Variants in KLF17 observed in about 807,000 individuals in gnomAD.
The protein encoded by KLF17 is KLF transcription factor 17.
KLF17 carries 31 observed loss-of-function variants against 34.2 expected under a neutral mutation model. The ratio of observed to expected loss-of-function variants is 0.91; its 90% CI spans 0.68 to 1.22. The LOEUF is 1.22. Ranked by LOEUF, KLF17 falls within the 50% of genes most tolerant of loss-of-function variation. The pLI, the probability that KLF17 is intolerant of heterozygous loss-of-function variation, is 0.00. For synonymous variants in KLF17, 179 were observed against 186.7 expected (o/e 0.96, Z 0.34); for missense variants, 478 against 505.2 (o/e 0.95, Z 0.52).
chr1:44,058,381 C>T, the KLF17 span, among the ~76,000 whole-genome samples: 1 of 152,052 alleles, frequency 6.6e-6, no homozygotes, highest in Non-Finnish European at 1.5e-5. Context: ...ACCTCCACCT[C>T]CCAGGTTCAA....
At chr1:44,115,911 T>C (rs1375701747), upstream of KLF17, 3 of 152,254 alleles carry the variant, frequency 2.0e-5, no homozygotes, top group Non-Finnish European at 4.4e-5. Flanking sequence ...TGAGTATGCA[T>C]ACAAATTTTG....
At position 44,133,563 on chromosome 1, in the gene KLF17, T is replaced by G. The variant is rs1294505083; in HGVS notation, c.*326T>G. ...GGCATGGACAGTAAGGATTCAGAAGTGCATGAAGGCACCCTGCCTCTGCAG... is the reference window on the plus strand; with the variant it reads ...GGCATGGACAGTAAGGATTCAGAAGGGCATGAAGGCACCCTGCCTCTGCAG... On this transcript the variant is annotated 3_prime_UTR_variant, in exon 4 of 4. Transcript: ENST00000372299. The G allele has an allele frequency of 6.6e-6, 1 of 152,244 alleles. No individual in the cohort carries two copies. Among genetic ancestry groups the G allele is most frequent in the East Asian group, 1.9e-4 (1 of 5,190 alleles). The allele number at this position is 152,244 out of a possible 1,614,324, so 9.4% of individuals were successfully genotyped here.
chr1:44,088,873 A>G, the KLF17 span, among the ~76,000 whole-genome samples: 1 of 152,140 alleles, frequency 6.6e-6, no homozygotes, highest in Non-Finnish European at 1.5e-5. Context: ...TGAAATTGGG[A>G]GCAAAGAAGG....
chr1:44,058,568 C>G, the KLF17 span, among the ~76,000 whole-genome samples: 4 of 149,606 alleles, frequency 2.7e-5, no homozygotes, highest in South Asian at 2.2e-4. Context: ...GGATTACAGG[C>G]GTGAGCCACC....
the KLF17 span, chr1:44,088,107 T>TTTATTTATTTATTTATTTATTTATTTA: frequency 4.9e-5 from 9 of 182,634 alleles, no homozygotes; most frequent in African/African-American, 1.7e-4. Context: ...GCACTCTTAT[T>TTTATTTATTTATTTATTTATTTATTTA]TTTATTTATT....
the KLF17 span, among the ~76,000 whole-genome samples, chr1:44,100,079 TACACACACAC>T: frequency 0.16 from 22,103 of 138,570 alleles, 2,043 homozygotes; most frequent in Admixed American, 0.2. Context: ...CTACTAAAAA[TACACACACAC>T]ACACACACAC....
chr1:44,073,511 C>G, the KLF17 span, among the ~76,000 whole-genome samples: 12,439 of 151,988 alleles, frequency 0.082, 510 homozygotes, highest in African/African-American at 0.1. Context: ...TGGCCCATGA[C>G]AGTATTTTTT....
chr1:44,078,326 C>T, the KLF17 span, among the ~76,000 whole-genome samples: 1 of 152,124 alleles, frequency 6.6e-6, no homozygotes, highest in Non-Finnish European at 1.5e-5. Flanking sequence ...ACCTTGTAAA[C>T]ATTTCTGCTT....
the KLF17 span, among the ~76,000 whole-genome samples, chr1:44,061,638 C>A: frequency 1.4e-4 from 22 of 152,156 alleles, no homozygotes; most frequent in African/African-American, 5.3e-4. Context: ...TGGGTATAGG[C>A]TGGGCACAGT....
In KLF17 at chr1:44,129,896, G is replaced by A. The variant is rs775671290; in HGVS notation, c.625G>A (p.Ala209Thr). The stretch of plus-strand genomic sequence containing the variant: ...GGCCCAGGCAGTGCTCCCCTCCATG[G>A]CTCAGATGTTGCCCCCGCAAGATGC... ...TEAQAVLPSM[A>T]QMLPPQDAHD... The change falls in exon 2 of 4, where the codon GCT becomes ACT. Residue 209 changes from alanine (A) to threonine (T), a missense_variant. By Grantham distance (58) the Ala-to-Thr change is moderately conservative (BLOSUM62 0). Transcript: ENST00000372299. The A allele has an allele frequency of 1.9e-6, 3 of 1,614,150 alleles. No homozygotes were observed. In the South Asian group the frequency reaches 3.3e-5, roughly 18 times the overall value.
chr1:44,089,546 T>A, the KLF17 span, among the ~76,000 whole-genome samples: 10 of 152,162 alleles, frequency 6.6e-5, no homozygotes, highest in African/African-American at 2.4e-4. Flanking sequence ...TTGGAGGCTG[T>A]CTGCCTAATG....
chr1:44,099,903 AAGAAAGAAAGAAAGAAAAGAAAGGG>A, the KLF17 span, among the ~76,000 whole-genome samples: 1 of 69,380 alleles, frequency 1.4e-5, no homozygotes, highest in South Asian at 5.4e-4. Flanking sequence ...GAAAGAAAGA[AAGAAAGAAAGAAAGAAAAGAAAGGG>A]AGGGAGGGAG....
At chr1:44,046,060 T>A in the KLF17 span, 2 of 151,484 alleles carry the variant, frequency 1.3e-5, no homozygotes, top group Admixed American at 1.3e-4. Flanking sequence ...GAGCTTATCA[T>A]GGAACATAAG....
At chr1:44,047,046 AAAG>A in the KLF17 span, among the ~76,000 whole-genome samples, 47 of 150,396 alleles carry the variant, frequency 3.1e-4, no homozygotes, top group African/African-American at 1.1e-3. Context: ...AAAAAAAAAA[AAAG>A]CATTCTCTGT....
chr1:44,097,060 CTTA>C, the KLF17 span, among the ~76,000 whole-genome samples: 1 of 152,280 alleles, frequency 6.6e-6, no homozygotes, highest in Non-Finnish European at 1.5e-5. Context: ...AGCCAGTTTT[CTTA>C]ACACCATTGA....
At chr1:44,072,875 C>A in the KLF17 span, among the ~76,000 whole-genome samples, 1 of 151,918 alleles carries the variant, frequency 6.6e-6, no homozygotes, top group Non-Finnish European at 1.5e-5. Flanking sequence ...GGAGGAAAAT[C>A]GGAAAACGTA....
intron 1 of KLF17, among the ~76,000 whole-genome samples, chr1:44,121,863 G>A (rs562804732): frequency 6.6e-6 from 1 of 152,160 alleles, no homozygotes; most frequent in Non-Finnish European, 1.5e-5. Flanking sequence ...TGATCTCTCT[G>A]TAGAAATTTA....
chr1:44,098,494 G>T, the KLF17 span, among the ~76,000 whole-genome samples: 1 of 147,772 alleles, frequency 6.8e-6, no homozygotes, highest in African/African-American at 2.5e-5. Context: ...TTTTAAAAAA[G>T]ATTATTTTTA....
the KLF17 span, among the ~76,000 whole-genome samples, chr1:44,091,891 G>A: frequency 6.9e-6 from 1 of 145,576 alleles, no homozygotes; most frequent in African/African-American, 2.5e-5. Context: ...AGCCTGGGGG[G>A]TGAGAGAGAA....
Sources: gnomAD v4.1 joint callset for allele counts (sites outside exome capture counted in the v4.1 genomes callset) on GRCh38, gnomAD v4.1.1 for gene constraint, MANE v1.5 for transcripts, NCBI Gene and HGNC (gene_info 2026-07-23, HGNC 2026-07-21) for gene names.